EIF2B3: variants seen among roughly 807,000 people sequenced by gnomAD.
EIF2B3 encodes the protein eukaryotic translation initiation factor 2B subunit gamma.
In EIF2B3, 20 loss-of-function variants were observed where a neutral mutation model predicts 54.1. That is an observed-to-expected ratio of 0.37 (90% CI 0.26 to 0.54). The LOEUF is 0.54. Among genes scored for constraint, EIF2B3 ranks in the 20% least tolerant of loss-of-function variants. The pLI is 0.86. For missense variants in EIF2B3, 448 were observed against 547.8 expected (o/e 0.82, Z 1.82); for synonymous variants, 153 against 188.1 (o/e 0.81, Z 1.52).
At chr1:44,921,829 T>C (rs1047851350) in intron 5 of EIF2B3, among the ~76,000 whole-genome samples, 20 of 152,130 alleles carry the variant, frequency 1.3e-4, no homozygotes, top group African/African-American at 4.6e-4. Flanking sequence ...ATGATTCCTG[T>C]AGCTTTGTTC....
intron 10 of EIF2B3, among the ~76,000 whole-genome samples, chr1:44,858,548 C>G (rs1227225100): frequency 6.6e-6 from 1 of 152,056 alleles, no homozygotes; most frequent in Non-Finnish European, 1.5e-5. Context: ...TGGCTCACTA[C>G]AGCCTCCACC....
chr1:44,950,626 TAAATGATATTGAATTA>T (rs1263227743), intron 3 of EIF2B3, among the ~76,000 whole-genome samples: 2 of 152,126 alleles, frequency 1.3e-5, no homozygotes, highest in East Asian at 3.8e-4. Context: ...ATTAATTTAT[TAAATGATATTGAATTA>T]TTTAAATGAT....
rs748442078 is a variant in EIF2B3, at chr1:44,941,531, G to A, written c.429C>T (p.Pro143=). 65 of 1,603,058 alleles carry A rather than the reference G, an allele frequency of 4.1e-5. No individual in the cohort carries two copies. The highest frequency in any genetic ancestry group is 6.7e-5 in the African/African-American group (5 of 74,334). The change falls in exon 4 of 12, where the codon CCC becomes CCT. Residue 143 remains proline (P), a synonymous_variant. Coordinates refer to ENST00000360403, the MANE Select transcript of EIF2B3 (RefSeq NM_020365.5). ...RKGQDSIEPV[P]GQKGKKKAVE... Reference sequence around the variant, plus strand: ...CTGCTTTTTTTTTCCCCTTTTGACCGGGAACAGGTTCTATGCTATCTTGGC... The same window carrying A: ...CTGCTTTTTTTTTCCCCTTTTGACCAGGAACAGGTTCTATGCTATCTTGGC...
At chr1:44,885,034 C>A (rs916185553) in intron 6 of EIF2B3, among the ~76,000 whole-genome samples, 1 of 152,222 alleles carries the variant, frequency 6.6e-6, no homozygotes, top group African/African-American at 2.4e-5. Context: ...CAGAGCTGTG[C>A]CAAGAAATGT....
In EIF2B3 at chr1:44,861,894, G is replaced by A. The variant is rs1208904980; in HGVS notation, c.1203-4087C>T. ...CTCAATTGTTCCCCAGTATTATTGT[G>A]CAGCCCAAATCACCTCCAATAGCAA... is the stretch of plus-strand genomic sequence containing the variant. On this transcript the variant is annotated intron_variant, in intron 10 of 11. Transcript: ENST00000360403. Among the ~76,000 whole-genome samples the A allele has an allele frequency of 2.0e-5, 3 of 152,236 alleles. No individual in the cohort carries two copies. The East Asian group carries it at 5.8e-4, about 29-fold the overall frequency.
intron 3 of EIF2B3, among the ~76,000 whole-genome samples, chr1:44,948,729 C>T (rs1447057207): frequency 6.6e-6 from 1 of 152,098 alleles, no homozygotes; most frequent in African/African-American, 2.4e-5. Context: ...GATTGCTGCT[C>T]AACAAGATTA....
At chr1:44,868,563 G>A (rs1427732921) in intron 10 of EIF2B3, among the ~76,000 whole-genome samples, 1 of 150,644 alleles carries the variant, frequency 6.6e-6, no homozygotes, top group Non-Finnish European at 1.5e-5. Flanking sequence ...CCTGAGCTCA[G>A]GCAATCTGCC....
chr1:44,887,774 G>A (rs543484817), intron 6 of EIF2B3, among the ~76,000 whole-genome samples: 21 of 152,104 alleles, frequency 1.4e-4, no homozygotes, highest in African/African-American at 3.4e-4. Context: ...CCATGGTGGC[G>A]CAGGCCTGTA....
intron 11 of EIF2B3, among the ~76,000 whole-genome samples, chr1:44,857,095 C>G (rs1654457504): frequency 6.6e-6 from 1 of 152,136 alleles, no homozygotes. Context: ...CTTCAAGAAT[C>G]ACTGTACAGT....
intron 3 of EIF2B3, among the ~76,000 whole-genome samples, chr1:44,961,391 A>G (rs1273896816): frequency 1.3e-5 from 2 of 151,882 alleles, no homozygotes; most frequent in East Asian, 1.9e-4. Context: ...AGTGAAAAAC[A>G]GGGCCGGGTG....
At chr1:44,963,216 AAAC>A (rs773932392) in intron 3 of EIF2B3, among the ~76,000 whole-genome samples, 34 of 151,704 alleles carry the variant, frequency 2.2e-4, no homozygotes, top group Admixed American at 3.9e-4. Flanking sequence ...TGGACTCAAA[AAAC>A]AAAAACAAAA....
At chr1:44,870,794 A>T (rs964160122) in intron 10 of EIF2B3, among the ~76,000 whole-genome samples, 2 of 151,984 alleles carry the variant, frequency 1.3e-5, no homozygotes, top group Non-Finnish European at 1.5e-5. Flanking sequence ...CTGGTATTAC[A>T]GGTGTGTGCC....
chr1:44,903,540 T>C (rs549404709), intron 5 of EIF2B3, among the ~76,000 whole-genome samples: 2 of 152,214 alleles, frequency 1.3e-5, no homozygotes, highest in South Asian at 4.1e-4. Flanking sequence ...AATATGCTCA[T>C]TGTACAATGC....
At chr1:44,871,234 A>T (rs1478836489) in intron 10 of EIF2B3, among the ~76,000 whole-genome samples, 1 of 152,144 alleles carries the variant, frequency 6.6e-6, no homozygotes, top group Non-Finnish European at 1.5e-5. Context: ...CATGTTTTAT[A>T]GTTTTTAATC....
chr1:44,926,857 G>A (rs1466920445), intron 4 of EIF2B3, 118 bp from the exon 5 acceptor site: 3 of 917,758 alleles, frequency 3.3e-6, no homozygotes, highest in Non-Finnish European at 5.1e-6. Context: ...ATTGAAGGGT[G>A]GGTGCAGTGG....
In EIF2B3 at chr1:44,881,526, T is replaced by A; in HGVS notation, c.784+86A>T. 1.9e-6 allele frequency: 3 copies of A among 1,560,312 alleles called. No individual in the cohort carries two copies. The South Asian group carries it at 3.4e-5, about 17-fold the overall frequency. ...ATAGTCTGCTGCCTTGAGTCAGGCA[T>A]CTTGGGCTGGGCTAAGCTGCCCAAC... On this transcript the variant is annotated intron_variant, in intron 7 of 11. Transcript: ENST00000360403. The surrounding 1 kb of genome is among the most constrained non-coding windows in gnomAD (Gnocchi z 4.0).
chr1:44,867,610 C>T (rs1407561760), intron 10 of EIF2B3, among the ~76,000 whole-genome samples: 2 of 152,114 alleles, frequency 1.3e-5, no homozygotes, highest in Non-Finnish European at 2.9e-5. Context: ...AATCAAGTCT[C>T]ACTTGACTGC....
In EIF2B3 at chr1:44,850,847, G is replaced by T; in HGVS notation, c.*104C>A. Reference sequence around the variant, plus strand: ...CTCCACAAGTCTCCAGCATGCCTTTGGAAGCCCTTCTTTATTGGGAAATAA... The same window carrying T: ...CTCCACAAGTCTCCAGCATGCCTTTTGAAGCCCTTCTTTATTGGGAAATAA... On this transcript the variant is annotated 3_prime_UTR_variant, in exon 12 of 12. Coordinates refer to ENST00000360403, the MANE Select transcript of EIF2B3 (RefSeq NM_020365.5). 7.4e-7 allele frequency: 1 copy of T among 1,343,434 alleles called. No homozygotes were observed. The highest frequency in any genetic ancestry group is 1.1e-6 in the Non-Finnish European group (1 of 936,082). The allele number at this position is 1,343,434 out of a possible 1,614,324, so 83.2% of individuals were successfully genotyped here.
In EIF2B3 at chr1:44,949,167, G is replaced by A. The variant is rs555994512; in HGVS notation, c.295-7502C>T. On this transcript the variant is annotated intron_variant, in intron 3 of 11. Transcript: ENST00000360403. Reference sequence around the variant, plus strand: ...TTACAGGCATGAGCCACTGCACCTGGCCGCCAGTGTTAATTTGATAGAGTC... The same window carrying A: ...TTACAGGCATGAGCCACTGCACCTGACCGCCAGTGTTAATTTGATAGAGTC... Among the ~76,000 whole-genome samples the A allele has an allele frequency of 2.0e-4, 31 of 152,250 alleles. No individual in the cohort carries two copies. In the East Asian group the frequency reaches 5.6e-3, roughly 27 times the overall value.
Sources: allele counts gnomAD v4.1 joint callset (sites outside exome capture counted in the v4.1 genomes callset), GRCh38; gene constraint gnomAD v4.1.1; non-coding constraint Gnocchi (gnomAD v3.1); transcripts MANE v1.5; gene names NCBI Gene and HGNC (gene_info 2026-07-23, HGNC 2026-07-21).